SDK1: variants seen among roughly 807,000 people sequenced by gnomAD.
The protein encoded by SDK1 is sidekick cell adhesion molecule 1, also known as protein sidekick-1.
A neutral mutation model predicts 245.5 loss-of-function variants in SDK1; 157 were observed. The ratio of observed to expected loss-of-function variants is 0.64; its 90% CI spans 0.56 to 0.73. SDK1 has a LOEUF of 0.73. Among genes scored for constraint, SDK1 ranks in the 30% least tolerant of loss-of-function variants. The probability of loss-of-function intolerance (pLI) is 0.00; values close to 1 mark genes in which losing one functional copy is unlikely to be tolerated. For missense variants in SDK1, 3,583 were observed against 3,002.3 expected, an observed-to-expected ratio of 1.19 and a Z score of -4.52; for synonymous variants, 1,647 against 1,278.5, an observed-to-expected ratio of 1.29 and a Z score of -6.15.
intron 4 of SDK1, among the ~76,000 whole-genome samples, chr7:3,745,825 T>C (rs369157016): frequency 6.6e-6 from 1 of 152,358 alleles, no homozygotes; most frequent in African/African-American, 2.4e-5. Context: ...GCAAATGATA[T>C]GTTTATCTCT....
intron 1 of SDK1, among the ~76,000 whole-genome samples, chr7:3,307,700 T>C (rs1260606867): frequency 6.6e-6 from 1 of 152,146 alleles, no homozygotes; most frequent in African/African-American, 2.4e-5. Context: ...CCTAGAAACA[T>C]GGATATAGTA....
chr7:4,219,259 C>T (rs1366650351), intron 38 of SDK1, among the ~76,000 whole-genome samples: 1 of 152,196 alleles, frequency 6.6e-6, no homozygotes, highest in Non-Finnish European at 1.5e-5. Context: ...GCAGCCTCCT[C>T]GTGGGGTCTA....
chr7:3,519,233 G>GGGT (rs1186332250), intron 1 of SDK1, among the ~76,000 whole-genome samples: 26 of 152,206 alleles, frequency 1.7e-4, no homozygotes, highest in African/African-American at 5.5e-4. Context: ...TAGCACTGTA[G>GGGT]GGTGGCTATC....
chr7:3,774,903 T>C (rs1780508650), intron 4 of SDK1, among the ~76,000 whole-genome samples: 1 of 152,176 alleles, frequency 6.6e-6, no homozygotes, highest in South Asian at 2.1e-4. Flanking sequence ...ATCACACTCA[T>C]GCATTCCTGT....
chr7:3,394,250 T>C (rs1320531173), intron 1 of SDK1, among the ~76,000 whole-genome samples: 2 of 152,292 alleles, frequency 1.3e-5, no homozygotes, highest in East Asian at 1.9e-4. Context: ...ATCATCTTTT[T>C]GCATGTGGAT....
chr7:3,758,041 A>G (rs545262147), intron 4 of SDK1, among the ~76,000 whole-genome samples: 1 of 152,278 alleles, frequency 6.6e-6, no homozygotes, highest in South Asian at 2.1e-4. Flanking sequence ...CTTTCTCATT[A>G]TACCACAGTT....
intron 5 of SDK1, among the ~76,000 whole-genome samples, chr7:3,938,909 C>T (rs1055473606): frequency 3.3e-5 from 5 of 152,176 alleles, no homozygotes; most frequent in African/African-American, 1.2e-4. Context: ...ACCTTCCATT[C>T]ATTTCCAAAT....
intron 4 of SDK1, among the ~76,000 whole-genome samples, chr7:3,642,341 C>G (rs1335574940): frequency 4.6e-5 from 7 of 152,204 alleles, no homozygotes; most frequent in Admixed American, 3.3e-4. Context: ...TGCCCTAAAA[C>G]TAAAGCAGCC....
At chr7:3,406,060 G>A (rs376530709) in intron 1 of SDK1, among the ~76,000 whole-genome samples, 6 of 152,238 alleles carry the variant, frequency 3.9e-5, no homozygotes, top group Middle Eastern at 3.4e-3. Context: ...TGATCCACCT[G>A]CCTTGGCCTC....
At chr7:3,827,823 G>T (rs370274030) in intron 5 of SDK1, among the ~76,000 whole-genome samples, 12 of 152,164 alleles carry the variant, frequency 7.9e-5, no homozygotes, top group Admixed American at 2.0e-4. Flanking sequence ...GATGGAAGCT[G>T]TCTGGATATT....
In SDK1 at chr7:3,617,728, T is replaced by A. The variant is rs116542811; in HGVS notation, c.299-1352T>A. Among the ~76,000 whole-genome samples the A allele has an allele frequency of 1.1e-3, 164 of 152,302 alleles. 1 individual carries two copies. Among genetic ancestry groups the A allele is most frequent in the African/African-American group, 3.8e-3 (158 of 41,570 alleles). On this transcript the variant is annotated intron_variant, in intron 1 of 44. Transcript: ENST00000404826. ...CCCTTTTTATTAGGACCCCTCTCCC[T>A]TGATAACTAACTCCCTCCCACAGTA... is the stretch of plus-strand genomic sequence containing the variant.
At chr7:3,453,565 A>T (rs1780584676) in intron 1 of SDK1, among the ~76,000 whole-genome samples, 1 of 152,140 alleles carries the variant, frequency 6.6e-6, no homozygotes, top group South Asian at 2.1e-4. Context: ...GCAGGCAGAG[A>T]TTGCAGTGGC....
chr7:4,165,179 T>C (rs577134963), intron 32 of SDK1, among the ~76,000 whole-genome samples: 1 of 152,070 alleles, frequency 6.6e-6, no homozygotes, highest in East Asian at 1.9e-4. Flanking sequence ...GCCAACATGG[T>C]GAAATTCTGT....
At chr7:3,876,385 A>G (rs1292044592) in intron 5 of SDK1, among the ~76,000 whole-genome samples, 1 of 152,158 alleles carries the variant, frequency 6.6e-6, no homozygotes, top group Non-Finnish European at 1.5e-5. Flanking sequence ...ACCTTCTACC[A>G]TGGGATGTGG....
chr7:3,845,549 G>A (rs1780256577), intron 5 of SDK1, among the ~76,000 whole-genome samples: 1 of 150,740 alleles, frequency 6.6e-6, no homozygotes, highest in Non-Finnish European at 1.5e-5. Context: ...GAGTGGCCAG[G>A]CCTGAAATTT....
At chr7:3,504,793 C>A (rs932065553) in intron 1 of SDK1, among the ~76,000 whole-genome samples, 12 of 144,310 alleles carry the variant, frequency 8.3e-5, no homozygotes, top group Admixed American at 1.3e-4. Flanking sequence ...AAAAAAAAAA[C>A]CATACTTGGC....
intron 1 of SDK1, among the ~76,000 whole-genome samples, chr7:3,613,588 C>T (rs1029717615): frequency 1.1e-4 from 17 of 152,070 alleles, no homozygotes; most frequent in Admixed American, 2.0e-4. Context: ...GTGGTGATTC[C>T]TCAAAGACCT....
At chr7:4,079,299 T>TG (rs1780905826) in intron 21 of SDK1, among the ~76,000 whole-genome samples, 164 bp from the exon 22 acceptor site, 1 of 152,234 alleles carries the variant, frequency 6.6e-6, no homozygotes. Context: ...ATCATGCCCC[T>TG]GGGGAAGCTG....
chr7:3,511,086 G>T (rs892046655), intron 1 of SDK1, among the ~76,000 whole-genome samples: 8 of 152,158 alleles, frequency 5.3e-5, no homozygotes, highest in Admixed American at 5.2e-4. Context: ...GGTGGCAGGG[G>T]CATCTTTGAG....
Sources: gnomAD v4.1 joint callset for allele counts (sites outside exome capture counted in the v4.1 genomes callset) on GRCh38, gnomAD v4.1.1 for gene constraint, MANE v1.5 for transcripts, NCBI Gene and HGNC (gene_info 2026-07-23, HGNC 2026-07-21) for gene names.